The following COL18A1 variants were observed in gnomAD, a reference collection of about 807,000 sequenced individuals.
The protein encoded by COL18A1 is collagen type XVIII alpha 1 chain, also known as collagen alpha-1(XVIII) chain.
Under a neutral mutation model 168.0 loss-of-function variants are expected in COL18A1, and 133 were observed. The ratio of observed to expected loss-of-function variants is 0.79; its 90% CI spans 0.69 to 0.91. The LOEUF (loss-of-function observed/expected upper bound fraction) is 0.91. Ranked by LOEUF, COL18A1 falls within the 40% of genes least tolerant of loss-of-function variation. The pLI is 0.00. For missense variants in COL18A1, 2,126 were observed against 1,925.4 expected (o/e 1.10, Z -1.95); for synonymous variants, 949 against 809.0 (o/e 1.17, Z -2.94).
chr21:45,489,427 G>C (rs772424248), intron 18 of COL18A1, 59 bp from the exon 19 acceptor site: 2 of 1,314,658 alleles, frequency 1.5e-6, no homozygotes, highest in Admixed American at 1.9e-5. Context: ...CGGGGTGGAC[G>C]CTGCCTGAGG....
chr21:45,440,114 G>A (rs950109285), intron 2 of COL18A1, among the ~76,000 whole-genome samples: 6 of 152,254 alleles, frequency 3.9e-5, no homozygotes, highest in African/African-American at 1.4e-4. Flanking sequence ...AGCCCCCGAC[G>A]CTCGGGGATG....
Position 45,457,654 on chromosome 21 carries a change from G to T in COL18A1, c.107-10588G>T, listed in dbSNP as rs2034887067. ...TCCTCTGTGTCCGGGAGTAGACGGG[G>T]CCCCTGAGCTGTGCCTGCCCCATTC... On this transcript the variant is annotated intron_variant, in intron 2 of 41. Coordinates refer to ENST00000651438, the MANE Select transcript of COL18A1 (RefSeq NM_001379500.1). This position sits in a 1 kb window ranked among gnomAD's most constrained non-coding sequence, Gnocchi z 4.6. Among the ~76,000 whole-genome samples the T allele has an allele frequency of 6.6e-6, 1 of 152,212 alleles. No individual in the cohort carries two copies. The highest frequency in any genetic ancestry group is 2.4e-5 in the African/African-American group (1 of 41,456).
rs376168075 is a variant in COL18A1, at chr21:45,511,305, T to TC, written c.3809+85dup. On this transcript the variant is annotated intron_variant, in intron 41 of 41. Coordinates refer to ENST00000651438, the MANE Select transcript of COL18A1 (RefSeq NM_001379500.1). Reference sequence around the variant, plus strand: ...GGCGGGCGGGCTCCTATCTGCAGTTTCCCCCCGAGTTTTTGGACAAATCTT... The same window carrying TC: ...GGCGGGCGGGCTCCTATCTGCAGTTTCCCCCCCGAGTTTTTGGACAAATCTT... 4.1e-4 allele frequency: 311 copies of TC among 755,832 alleles called. 3 individuals carry two copies. The highest frequency in any genetic ancestry group is 3.1e-3 in the African/African-American group (179 of 58,022). The allele number at this position is 755,832 out of a possible 1,614,324, so 46.8% of individuals were successfully genotyped here.
intron 17 of COL18A1, 185 bp downstream of exon 17, chr21:45,487,694 A>G (rs915468231): frequency 2.7e-6 from 2 of 753,168 alleles, no homozygotes; most frequent in South Asian, 2.9e-5. Context: ...ATGCCCCTTC[A>G]TTGAACTAAA....
In COL18A1 at chr21:45,475,539, A is replaced by C; in HGVS notation, c.798+4A>C. 1 of 1,604,410 alleles carries C rather than the reference A, an allele frequency of 6.2e-7. No homozygotes were observed. The highest frequency in any genetic ancestry group is 8.5e-7 in the Non-Finnish European group (1 of 1,177,238). On this transcript the variant is annotated splice_donor_region_variant and intron_variant, in intron 5 of 41. Coordinates refer to ENST00000651438, the MANE Select transcript of COL18A1 (RefSeq NM_001379500.1). ...GGAGCTTCTCAGGGAGGAGACGGTG[A>C]GTAGCCGGACGGGGCCCAGCCCACG...
At position 45,491,295 on chromosome 21, in the gene COL18A1, T is replaced by C. The variant is rs367570320; in HGVS notation, c.2138T>C (p.Val713Ala). 4 of 1,611,502 alleles carry C rather than the reference T, an allele frequency of 2.5e-6. No individual in the cohort carries two copies. The African/African-American group carries it at 4.0e-5, about 16-fold the overall frequency. ...PGPPGPPGPV[V>A]YVSEQDGSVL... The stretch of plus-strand genomic sequence containing the variant: ...CCCCCCGGACCCCCGGGACCTGTGG[T>C]CTACGTGTCGGAGCAGGACGTAAGG... The change falls in exon 22 of 42, where the codon GTC (valine) becomes GCC (alanine). Residue 713 changes from valine (V) to alanine (A), a missense_variant. Physicochemically the swap from Val to Ala is moderately conservative, Grantham distance 64. Coordinates refer to ENST00000651438, the MANE Select transcript of COL18A1 (RefSeq NM_001379500.1).
intron 40 of COL18A1, 42 bp downstream of exon 40, chr21:45,510,303 C>A: frequency 6.4e-7 from 1 of 1,553,918 alleles, no homozygotes; most frequent in African/African-American, 1.4e-5. Flanking sequence ...CCTCGGCCCC[C>A]ACTTGACCTC....
At chr21:45,410,909 G>A (rs998452844) in intron 2 of COL18A1, among the ~76,000 whole-genome samples, 6 of 152,228 alleles carry the variant, frequency 3.9e-5, no homozygotes, top group East Asian at 1.9e-4. Context: ...CCTCTGATTC[G>A]GCTGCTCTGG....
At position 45,512,630 on chromosome 21, in the gene COL18A1, G is replaced by A. The variant is rs1344451821; in HGVS notation, c.*232G>A. ...CATTCACCTGCCCCAACTCTCCCCTGACCTGTGAGCCCAGCTGGGTCAGGC... is the reference window on the plus strand; with the variant it reads ...CATTCACCTGCCCCAACTCTCCCCTAACCTGTGAGCCCAGCTGGGTCAGGC... On this transcript the variant is annotated 3_prime_UTR_variant, in exon 42 of 42. Transcript: ENST00000651438. The A allele has an allele frequency of 5.1e-6, 3 of 586,726 alleles. No individual in the cohort carries two copies. Among genetic ancestry groups the A allele is most frequent in the Non-Finnish European group, 9.1e-6 (3 of 330,142 alleles). The allele number at this position is 586,726 out of a possible 1,614,324, so 36.3% of individuals were successfully genotyped here. A position where few individuals can be genotyped will look rare whatever the true frequency, so the allele number is the denominator to read the frequency against.
In COL18A1 at chr21:45,498,103, C is replaced by A; in HGVS notation, c.2683+442C>A. The A allele has an allele frequency of 6.4e-6, 4 of 621,736 alleles. No individual in the cohort carries two copies. In the South Asian group the frequency reaches 7.4e-5, roughly 12 times the overall value. 38.5% of individuals were successfully genotyped at this position (621,736 alleles called of 1,614,324 possible). A position where few individuals can be genotyped will look rare whatever the true frequency, so the allele number is the denominator to read the frequency against. ...CTGGAGGGTGAGCCCAGCACCCCTG[C>A]TCCCCCAAAGGACAAGAATTCCCCC... On this transcript the variant is annotated intron_variant, in intron 32 of 41. Transcript: ENST00000651438. This position sits in a 1 kb window ranked among gnomAD's most constrained non-coding sequence, Gnocchi z 4.5.
At chr21:45,492,432 G>T in intron 22 of COL18A1, 103 bp from the exon 23 acceptor site, 1 of 1,417,256 alleles carries the variant, frequency 7.1e-7, no homozygotes, top group South Asian at 1.1e-5. Context: ...CATTTTCCTT[G>T]AATTTCCTGG....
intron 2 of COL18A1, among the ~76,000 whole-genome samples, chr21:45,458,687 C>G (rs114369970): frequency 0.015 from 2,233 of 152,294 alleles, 46 homozygotes; most frequent in African/African-American, 0.051. Flanking sequence ...CGGGAGGCTC[C>G]AGCACAGCCC....
chr21:45,439,519 C>A (rs1247258617), intron 2 of COL18A1, among the ~76,000 whole-genome samples: 2 of 151,918 alleles, frequency 1.3e-5, no homozygotes, highest in Non-Finnish European at 2.9e-5. Flanking sequence ...GTGAAAGTTG[C>A]CATTGGGACT....
chr21:45,452,944 A>G (rs867418459), intron 2 of COL18A1, among the ~76,000 whole-genome samples: 2 of 151,498 alleles, frequency 1.3e-5, no homozygotes, highest in Admixed American at 6.6e-5. Flanking sequence ...ACATGTGAGC[A>G]TGTATGTACA....
chr21:45,407,571 C>T (rs564391120), intron 2 of COL18A1: 3 of 152,352 alleles, frequency 2.0e-5, no homozygotes, highest in Non-Finnish European at 2.9e-5. Context: ...GCGAAACAGC[C>T]GTGACCCCCA....
At chr21:45,455,880 T>C in intron 2 of COL18A1, 3 of 1,613,074 alleles carry the variant, frequency 1.9e-6, no homozygotes, top group South Asian at 1.1e-5. Flanking sequence ...ATCCTGAACG[T>C]GGCCAAAGGC....
intron 2 of COL18A1, chr21:45,455,389 C>T: frequency 4.1e-6 from 5 of 1,205,670 alleles, no homozygotes; most frequent in Non-Finnish European, 5.9e-6. Flanking sequence ...TTCTTTCCTT[C>T]TGCAAGAGTG....
intron 2 of COL18A1, chr21:45,456,499 CG>C (rs1602424340): frequency 6.5e-7 from 1 of 1,548,010 alleles, no homozygotes. Context: ...CTGCCCTGCT[CG>C]GGGCTGACCC....
intron 20 of COL18A1, 57 bp downstream of exon 20, chr21:45,490,403 A>G (rs886819013): frequency 2.3e-6 from 3 of 1,302,704 alleles, no homozygotes; most frequent in African/African-American, 1.8e-5. Context: ...TGAAGGGACT[A>G]TGCTAAGATG....
Sources: gnomAD v4.1 joint callset for allele counts (sites outside exome capture counted in the v4.1 genomes callset) on GRCh38, gnomAD v4.1.1 for gene constraint, Gnocchi (gnomAD v3.1) non-coding constraint, MANE v1.5 for transcripts, NCBI Gene and HGNC (gene_info 2026-07-23, HGNC 2026-07-21) for gene names.